Variants in SPTSSB observed in about 807,000 individuals in gnomAD.
The protein encoded by SPTSSB is serine palmitoyltransferase small subunit B.
SPTSSB carries 6 observed loss-of-function variants against 7.7 expected under a neutral mutation model. That is an observed-to-expected ratio of 0.78 (90% CI 0.43 to 1.54). The LOEUF is 1.54. Ranked by LOEUF, SPTSSB falls within the 40% of genes most tolerant of loss-of-function variation. The probability of loss-of-function intolerance (pLI) is 0.01; values close to 1 mark genes in which losing one functional copy is unlikely to be tolerated. For missense variants in SPTSSB, 91 were observed against 93.0 expected, an observed-to-expected ratio of 0.98 and a Z score of 0.09; for synonymous variants, 28 against 29.7, an observed-to-expected ratio of 0.94 and a Z score of 0.19.
intron 1 of SPTSSB, among the ~76,000 whole-genome samples, chr3:161,364,013 GT>G (rs1355199355): frequency 6.6e-6 from 1 of 152,110 alleles, no homozygotes; most frequent in Non-Finnish European, 1.5e-5. Flanking sequence ...CTATCCTAGT[GT>G]TAAATACTTC....
rs745729640 is a variant in SPTSSB, at chr3:161,346,152, G to T, written c.172C>A (p.Arg58Ser). 4 of 1,612,318 alleles carry T rather than the reference G, an allele frequency of 2.5e-6. No individual in the cohort carries two copies. Among genetic ancestry groups the T allele is most frequent in the Non-Finnish European group, 3.4e-6 (4 of 1,178,388 alleles). Residue 58 changes from arginine to serine, a missense_variant, in exon 3 of 3, where the codon CGC (arginine) becomes AGC (serine). By Grantham distance (110) the Arg-to-Ser change is moderately radical (BLOSUM62 -1). Coordinates refer to ENST00000620149, the MANE Select transcript of SPTSSB (RefSeq NM_001040100.2). ...TTTGAGAAAAATTCCCAAGCCAGGC[G>T]AATGTGGATTGGAATAAAGACATAG... is the stretch of plus-strand genomic sequence containing the variant. ...TAYVFIPIHI[R>S]LAWEFFSKIC...
At chr3:161,365,321 C>T (rs931403032) in intron 1 of SPTSSB, among the ~76,000 whole-genome samples, 1 of 152,220 alleles carries the variant, frequency 6.6e-6, no homozygotes, top group Non-Finnish European at 1.5e-5. Flanking sequence ...GACATGGTCA[C>T]TGTCCTTAGG....
At chr3:161,348,987 T>C (rs2108154555) in intron 2 of SPTSSB, among the ~76,000 whole-genome samples, 1 of 152,288 alleles carries the variant, frequency 6.6e-6, no homozygotes, top group Middle Eastern at 3.4e-3. Context: ...CTTCTGTGAG[T>C]CAACTTTCTT....
In SPTSSB at chr3:161,371,476, G is replaced by A. The variant is rs531376151; in HGVS notation, c.-167C>T. 1.3e-5 allele frequency: 13 copies of A among 985,494 alleles called. No homozygotes were observed. The African/African-American group carries it at 1.9e-4, about 15-fold the overall frequency. The allele number at this position is 985,494 out of a possible 1,614,324, so 61.0% of individuals were successfully genotyped here. A position where few individuals can be genotyped will look rare whatever the true frequency, so the allele number is the denominator to read the frequency against. On this transcript the variant is annotated 5_prime_UTR_variant, in exon 1 of 3. Coordinates refer to ENST00000620149, the MANE Select transcript of SPTSSB (RefSeq NM_001040100.2). ...TCTCCCTGCGGCTTAGGTGAGCGCCGAGGCTTTGGCTCCTCCCCAGCTGCT... is the reference window on the plus strand; with the variant it reads ...TCTCCCTGCGGCTTAGGTGAGCGCCAAGGCTTTGGCTCCTCCCCAGCTGCT...
intron 2 of SPTSSB, among the ~76,000 whole-genome samples, chr3:161,351,654 A>T (rs969171845): frequency 6.6e-5 from 10 of 152,318 alleles, no homozygotes; most frequent in African/African-American, 2.4e-4. Context: ...CATCTCTCAA[A>T]AGAATACTTT....
rs779664273 is a variant in SPTSSB, at chr3:161,346,287, G to C, written c.37C>G (p.Leu13Val). 1.2e-6 allele frequency: 2 copies of C among 1,613,744 alleles called. No homozygotes were observed. Among genetic ancestry groups the C allele is most frequent in the Non-Finnish European group, 1.7e-6 (2 of 1,179,836 alleles). ...LRRVKEYFSWLYYQYQIISCC... is the reference protein window; with the variant it reads ...LRRVKEYFSWVYYQYQIISCC... Reference sequence around the variant, plus strand: ...CTAATGATTTGGTATTGATAGTAGAGCCAGGAGAAATATTCCTTCACACGC... The same window carrying C: ...CTAATGATTTGGTATTGATAGTAGACCCAGGAGAAATATTCCTTCACACGC... Residue 13 changes from leucine to valine, a missense_variant, in exon 3 of 3, where the codon CTC (leucine) becomes GTC (valine). Transcript: ENST00000620149.
chr3:161,354,532 G>A (rs1714684123), intron 2 of SPTSSB, among the ~76,000 whole-genome samples: 1 of 152,126 alleles, frequency 6.6e-6, no homozygotes, highest in Non-Finnish European at 1.5e-5. Context: ...GTTTTGTAGA[G>A]GCCAGGTTGT....
chr3:161,357,703 A>C (rs1479502468), intron 2 of SPTSSB, among the ~76,000 whole-genome samples: 1 of 152,204 alleles, frequency 6.6e-6, no homozygotes, highest in Non-Finnish European at 1.5e-5. Context: ...CCTTAAATCT[A>C]AGGACAACTG....
intron 1 of SPTSSB, among the ~76,000 whole-genome samples, chr3:161,361,188 G>C (rs533259562): frequency 1.1e-4 from 17 of 152,254 alleles, no homozygotes; most frequent in Admixed American, 5.9e-4. Context: ...GGCTGACATG[G>C]AGGAGAAGAT....
Position 161,371,454 on chromosome 3 carries a change from C to T in SPTSSB, c.-145G>A. On this transcript the variant is annotated 5_prime_UTR_variant, in exon 1 of 3. Coordinates refer to ENST00000620149, the MANE Select transcript of SPTSSB (RefSeq NM_001040100.2). ...GCTTACCTCCCAGTTGGGTGTATCT[C>T]CCTGCGGCTTAGGTGAGCGCCGAGG... The T allele has an allele frequency of 1.0e-5, 10 of 985,426 alleles. No individual in the cohort carries two copies. The highest frequency in any genetic ancestry group is 1.1e-5 in the Non-Finnish European group (9 of 829,960). The allele number at this position is 985,426 out of a possible 1,614,324, so 61.0% of individuals were successfully genotyped here. A position where few individuals can be genotyped will look rare whatever the true frequency, so the allele number is the denominator to read the frequency against.
chr3:161,363,944 G>A (rs1296449020), intron 1 of SPTSSB, among the ~76,000 whole-genome samples: 1 of 145,516 alleles, frequency 6.9e-6, no homozygotes, highest in African/African-American at 2.6e-5. Context: ...AGATGACACA[G>A]GATGTATAGA....
In SPTSSB at chr3:161,346,285, G is replaced by A; in HGVS notation, c.39C>T (p.Leu13=). 3 of 1,613,864 alleles carry A rather than the reference G, an allele frequency of 1.9e-6. No homozygotes were observed. Among genetic ancestry groups the A allele is most frequent in the Non-Finnish European group, 2.5e-6 (3 of 1,179,822 alleles). Residue 13 remains leucine (L), a synonymous_variant, in exon 3 of 3, where the codon CTC becomes CTT. Transcript: ENST00000620149. The part of the protein sequence containing the change: ...LRRVKEYFSW[L]YYQYQIISCC... Reference sequence around the variant, plus strand: ...AGCTAATGATTTGGTATTGATAGTAGAGCCAGGAGAAATATTCCTTCACAC... The same window carrying A: ...AGCTAATGATTTGGTATTGATAGTAAAGCCAGGAGAAATATTCCTTCACAC...
intron 2 of SPTSSB, among the ~76,000 whole-genome samples, chr3:161,358,329 G>A (rs569627839): frequency 9.2e-5 from 14 of 152,196 alleles, no homozygotes; most frequent in Admixed American, 3.9e-4. Context: ...CAGGTCGTAC[G>A]GTGAAGTGGT....
chr3:161,347,753 A>T (rs1187279048), intron 2 of SPTSSB, among the ~76,000 whole-genome samples: 1 of 151,928 alleles, frequency 6.6e-6, no homozygotes, highest in African/African-American at 2.4e-5. Flanking sequence ...GGCACCTGTA[A>T]TCCCAGCCGC....
intron 2 of SPTSSB, among the ~76,000 whole-genome samples, chr3:161,347,701 G>T (rs1376008892): frequency 6.6e-6 from 1 of 152,040 alleles, no homozygotes; most frequent in East Asian, 2.0e-4. Flanking sequence ...GTGAAACCCT[G>T]TCTGTACTAA....
At chr3:161,349,881 G>A (rs552713976) in intron 2 of SPTSSB, among the ~76,000 whole-genome samples, 24 of 152,250 alleles carry the variant, frequency 1.6e-4, no homozygotes, top group African/African-American at 5.3e-4. Flanking sequence ...TTTTATCAAC[G>A]GGTGGTGATT....
At chr3:161,355,358 T>C (rs1285308659) in intron 2 of SPTSSB, among the ~76,000 whole-genome samples, 1 of 152,174 alleles carries the variant, frequency 6.6e-6, no homozygotes, top group African/African-American at 2.4e-5. Context: ...AACAATGGCA[T>C]TAAAGCCACC....
chr3:161,351,560 T>C (rs1408972922), intron 2 of SPTSSB, among the ~76,000 whole-genome samples: 1 of 152,082 alleles, frequency 6.6e-6, no homozygotes, highest in Non-Finnish European at 1.5e-5. Flanking sequence ...ACATCTTACA[T>C]TGTGATCCAT....
chr3:161,367,834 A>G (rs1047391693), intron 1 of SPTSSB, among the ~76,000 whole-genome samples: 3 of 152,182 alleles, frequency 2.0e-5, no homozygotes, highest in Non-Finnish European at 4.4e-5. Flanking sequence ...AGATCCAGGT[A>G]CCTTCCTCTC....
Sources: gnomAD v4.1 joint callset for allele counts (sites outside exome capture counted in the v4.1 genomes callset) on GRCh38, gnomAD v4.1.1 for gene constraint, MANE v1.5 for transcripts, NCBI Gene and HGNC (gene_info 2026-07-23, HGNC 2026-07-21) for gene names.